The following TNFAIP8 variants were observed in gnomAD, a reference collection of about 807,000 sequenced individuals.
TNFAIP8 encodes the protein TNF alpha induced protein 8.
TNFAIP8 carries 7 observed loss-of-function variants against 13.3 expected under a neutral mutation model. The observed-to-expected ratio is 0.52, with a 90% CI of 0.30 to 0.99. The LOEUF (loss-of-function observed/expected upper bound fraction) is 0.99. Ranked by LOEUF, TNFAIP8 falls within the 50% of genes least tolerant of loss-of-function variation. The pLI, the probability that TNFAIP8 is intolerant of heterozygous loss-of-function variation, is 0.07. For synonymous variants in TNFAIP8, 94 were observed against 87.6 expected, an observed-to-expected ratio of 1.07 and a Z score of -0.41; for missense variants, 258 against 236.9, an observed-to-expected ratio of 1.09 and a Z score of -0.58.
rs567244908 is a variant in TNFAIP8 at position 119,280,382 on chromosome 5, C to G, written c.1+11475C>G. On this transcript the variant is annotated intron_variant, in intron 1 of 1. Transcript: ENST00000274456. The stretch of plus-strand genomic sequence containing the variant: ...TCTTTTAATCTACAGACCCCTCTAC[C>G]AGAGTCTCCTTCCTTTAAATTTTTT... Among the ~76,000 whole-genome samples the G allele has an allele frequency of 8.8e-5, 13 of 147,842 alleles. No individual in the cohort carries two copies. In the South Asian group the frequency reaches 2.8e-3, roughly 31 times the overall value.
Position 119,399,326 on chromosome 5 carries a change from A to T in TNFAIP8, c.*5945A>T, listed in dbSNP as rs1753143767. On this transcript the variant is annotated 3_prime_UTR_variant, in exon 2 of 2. Transcript: ENST00000504771. ...CTTCTGCCTGCCAGGGAGCTCGCTC[A>T]TGTTGTCTCTGAAATTTGCATAAGA... 1.3e-5 allele frequency: 2 copies of T among 152,350 alleles called. No individual in the cohort carries two copies. Among genetic ancestry groups the T allele is most frequent in the Admixed American group, 1.3e-4 (2 of 15,304 alleles). The allele number at this position is 152,350 out of a possible 1,614,324, so 9.4% of individuals were successfully genotyped here.
chr5:119,281,644 T>TA (rs1039206785), intron 1 of TNFAIP8, among the ~76,000 whole-genome samples: 5 of 152,168 alleles, frequency 3.3e-5, no homozygotes, highest in East Asian at 1.9e-4. Flanking sequence ...TTTCCCACCT[T>TA]AAAAAAATGG....
intron 1 of TNFAIP8, among the ~76,000 whole-genome samples, chr5:119,383,544 G>A (rs1411415927): frequency 1.3e-5 from 2 of 152,194 alleles, no homozygotes; most frequent in Non-Finnish European, 2.9e-5. Flanking sequence ...CTAGTTTTAT[G>A]TGGAATTATG....
At chr5:119,290,355 G>A (rs1748942684) in intron 1 of TNFAIP8, among the ~76,000 whole-genome samples, 1 of 152,202 alleles carries the variant, frequency 6.6e-6, no homozygotes, top group Admixed American at 6.5e-5. Flanking sequence ...AACATTCTCT[G>A]CGGCTGGAGA....
intron 1 of TNFAIP8, among the ~76,000 whole-genome samples, chr5:119,331,947 C>T (rs7704398): frequency 0.089 from 13,608 of 152,234 alleles, 663 homozygotes; most frequent in African/African-American, 0.14. Flanking sequence ...CCTGCACTTC[C>T]AGGAAGAGCT....
intron 1 of TNFAIP8, among the ~76,000 whole-genome samples, chr5:119,279,689 C>T (rs1218759661): frequency 1.3e-5 from 2 of 152,180 alleles, no homozygotes; most frequent in Non-Finnish European, 2.9e-5. Context: ...TCAAGCAGTT[C>T]TCTCGCCTCA....
At chr5:119,295,427 A>T (rs553141773) in intron 1 of TNFAIP8, among the ~76,000 whole-genome samples, 1 of 151,812 alleles carries the variant, frequency 6.6e-6, no homozygotes, top group Non-Finnish European at 1.5e-5. Context: ...TTTGTCAAAG[A>T]TCAGATAGTT....
upstream of TNFAIP8, chr5:119,355,374 C>A: frequency 1.4e-6 from 1 of 702,460 alleles, no homozygotes; most frequent in South Asian, 1.5e-5. Context: ...GCAGCCCCGT[C>A]TGCTTTTGCT....
At chr5:119,366,230 G>A (rs1425507913) in intron 1 of TNFAIP8, among the ~76,000 whole-genome samples, 1 of 152,080 alleles carries the variant, frequency 6.6e-6, no homozygotes, top group African/African-American at 2.4e-5. Flanking sequence ...ACTGGGTTAA[G>A]AAGTTTTGGC....
chr5:119,384,138 T>G (rs1434241797), intron 1 of TNFAIP8, among the ~76,000 whole-genome samples: 1 of 152,154 alleles, frequency 6.6e-6, no homozygotes, highest in Non-Finnish European at 1.5e-5. Flanking sequence ...GTCACCTCAT[T>G]TCTAAAATGA....
chr5:119,367,847 C>T (rs1751918918), intron 1 of TNFAIP8, among the ~76,000 whole-genome samples: 1 of 151,994 alleles, frequency 6.6e-6, no homozygotes, highest in Admixed American at 6.5e-5. Context: ...CATTTTTTTT[C>T]AGGCCATCAC....
At chr5:119,346,261 G>A (rs138659565) in intron 1 of TNFAIP8, among the ~76,000 whole-genome samples, 45 of 152,278 alleles carry the variant, frequency 3.0e-4, no homozygotes, top group African/African-American at 1.0e-3. Context: ...GCTGCTGGAG[G>A]CTGGGAGGTG....
At chr5:119,312,261 G>GA (rs1749753615) in intron 1 of TNFAIP8, among the ~76,000 whole-genome samples, 1 of 152,164 alleles carries the variant, frequency 6.6e-6, no homozygotes, top group African/African-American at 2.4e-5. Flanking sequence ...TTCAAATTCT[G>GA]ACTCTGCTCT....
intron 1 of TNFAIP8, among the ~76,000 whole-genome samples, chr5:119,307,478 C>T (rs930151098): frequency 4.3e-4 from 65 of 152,294 alleles, no homozygotes; most frequent in African/African-American, 1.2e-3. Flanking sequence ...AAGAACCAAA[C>T]ACACAAATGA....
intron 1 of TNFAIP8, among the ~76,000 whole-genome samples, chr5:119,289,918 A>G (rs1209969401): frequency 3.3e-5 from 5 of 152,248 alleles, no homozygotes; most frequent in African/African-American, 1.2e-4. Flanking sequence ...AATAAATTAC[A>G]AAATCATTCA....
At chr5:119,285,385 A>G (rs1240568961) in intron 1 of TNFAIP8, among the ~76,000 whole-genome samples, 2 of 152,170 alleles carry the variant, frequency 1.3e-5, no homozygotes, top group African/African-American at 4.8e-5. Flanking sequence ...CCAGAGGGGT[A>G]GTATCCTGGG....
intron 1 of TNFAIP8, among the ~76,000 whole-genome samples, chr5:119,324,421 C>T (rs762148122): frequency 7.3e-5 from 11 of 151,104 alleles, no homozygotes; most frequent in South Asian, 2.1e-4. Context: ...TTAACTTCTT[C>T]GTGCATGGAT....
At chr5:119,323,036 G>A (rs7722699) in intron 1 of TNFAIP8, among the ~76,000 whole-genome samples, 18,347 of 152,102 alleles carry the variant, frequency 0.12, 1,563 homozygotes, top group African/African-American at 0.25. Context: ...TGCCCAATCA[G>A]TTGTCAGTAT....
intron 1 of TNFAIP8, among the ~76,000 whole-genome samples, chr5:119,304,637 G>A (rs963186008): frequency 5.9e-5 from 9 of 152,222 alleles, no homozygotes; most frequent in Admixed American, 2.6e-4. Context: ...CAAAGACCAC[G>A]ATTGCATGAG....
Sources: allele counts gnomAD v4.1 joint callset (sites outside exome capture counted in the v4.1 genomes callset), GRCh38; gene constraint gnomAD v4.1.1; transcripts MANE v1.5; gene names NCBI Gene and HGNC (gene_info 2026-07-23, HGNC 2026-07-21).